Variants in HERC1 observed in about 807,000 individuals in gnomAD.
HERC1 encodes the protein probable E3 ubiquitin-protein ligase HERC1.
In HERC1, 160 loss-of-function variants were observed where a neutral mutation model predicts 554.3. The observed-to-expected ratio is 0.29, with a 90% CI of 0.25 to 0.33. The LOEUF is 0.33. Ranked by LOEUF, HERC1 falls within the 10% of genes least tolerant of loss-of-function variation. HERC1 has a pLI of 1.00. For synonymous variants in HERC1, 2,175 were observed against 2,131.7 expected, an observed-to-expected ratio of 1.02 and a Z score of -0.56; for missense variants, 4,919 against 5,918.5, an observed-to-expected ratio of 0.83 and a Z score of 5.54.
rs7163401 is a variant in HERC1, at chr15:63,732,592, T to A, written c.2868+332A>T. Reference sequence around the variant, plus strand: ...ACTGACCAACCTATTCTCATTCAGTTCCAAGTACATTGTTTCATTATAAGA... The same window carrying A: ...ACTGACCAACCTATTCTCATTCAGTACCAAGTACATTGTTTCATTATAAGA... On this transcript the variant is annotated intron_variant, in intron 14 of 77. Transcript: ENST00000443617. Among the ~76,000 whole-genome samples the A allele has an allele frequency of 0.81, 123,598 of 152,202 alleles. 52,045 individuals carry two copies. The highest frequency in any genetic ancestry group is 0.87 in the Middle Eastern group (255 of 292).
chr15:63,709,329 GT>G (rs963955783), intron 24 of HERC1, among the ~76,000 whole-genome samples: 3 of 151,174 alleles, frequency 2.0e-5, no homozygotes, highest in Admixed American at 1.3e-4. Flanking sequence ...TTAAAAATGG[GT>G]TTTTTTTTAG....
intron 1 of HERC1, among the ~76,000 whole-genome samples, chr15:63,804,448 T>A (rs1245263354): frequency 6.6e-6 from 1 of 151,894 alleles, no homozygotes; most frequent in Non-Finnish European, 1.5e-5. Flanking sequence ...TAGCCGGGCA[T>A]GGTGGCGGGC....
Position 63,692,504 on chromosome 15 carries a change from T to C in HERC1, c.5737A>G (p.Arg1913Gly). 1 of 1,613,516 alleles carries C rather than the reference T, an allele frequency of 6.2e-7. No homozygotes were observed. The highest frequency in any genetic ancestry group is 8.5e-7 in the Non-Finnish European group (1 of 1,179,754). Residue 1913 changes from arginine to glycine, a missense_variant, in exon 31 of 78, where the codon AGA (arginine) becomes GGA (glycine). This residue lies in a region of HERC1 where 1,121 missense variants were observed against 1,244.0 expected (regional missense o/e 0.90). Coordinates refer to ENST00000443617, the MANE Select transcript of HERC1 (RefSeq NM_003922.4). This position sits in a 1 kb window ranked among gnomAD's most constrained non-coding sequence, Gnocchi z 4.7. ...TGAATTGCTTTTGAAGATACAACTCTGCGAAGAAAAACTAAAAAATCCCCT... is the reference window on the plus strand; with the variant it reads ...TGAATTGCTTTTGAAGATACAACTCCGCGAAGAAAAACTAAAAAATCCCCT... ...HLGDFLVFLRRVVSSKAIQSK... is the reference protein window; with the variant it reads ...HLGDFLVFLRGVVSSKAIQSK...
Position 63,640,174 on chromosome 15 carries a change from T to C in HERC1, c.11879A>G (p.Glu3960Gly). 6.2e-7 allele frequency: 1 copy of C among 1,613,882 alleles called. No individual in the cohort carries two copies. The highest frequency in any genetic ancestry group is 8.5e-7 in the Non-Finnish European group (1 of 1,179,790). Residue 3960 changes from glutamate to glycine, a missense_variant, in exon 61 of 78, where the codon GAG becomes GGG. Physicochemically the swap from Glu to Gly is moderately conservative, Grantham distance 98. Transcript: ENST00000443617. Reference sequence around the variant, plus strand: ...TACCATTAGAAATACAAGTTCATCCTCTGGAACAGGTTCTAGATCTGGAAC... The same window carrying C: ...TACCATTAGAAATACAAGTTCATCCCCTGGAACAGGTTCTAGATCTGGAAC... ...FTVPDLEPVPEDELVFLMDNS... is the reference protein window; with the variant it reads ...FTVPDLEPVPGDELVFLMDNS...
chr15:63,807,109 A>G (rs922926518), intron 1 of HERC1, among the ~76,000 whole-genome samples: 4 of 152,180 alleles, frequency 2.6e-5, no homozygotes, highest in African/African-American at 9.7e-5. Context: ...CATTTTCATT[A>G]TAACACTACC....
chr15:63,649,131 G>C (rs971115754), intron 54 of HERC1, among the ~76,000 whole-genome samples: 1 of 152,142 alleles, frequency 6.6e-6, no homozygotes, highest in Non-Finnish European at 1.5e-5. Flanking sequence ...AAGGTGGGCG[G>C]ATCACAAGGT....
intron 34 of HERC1, among the ~76,000 whole-genome samples, chr15:63,681,262 CAT>C (rs1421412648): frequency 6.6e-6 from 1 of 152,096 alleles, no homozygotes; most frequent in African/African-American, 2.4e-5. Context: ...AGTACAGTAG[CAT>C]GATCATGGCT....
At chr15:63,724,451 T>C (rs996323711) in intron 18 of HERC1, among the ~76,000 whole-genome samples, 3 of 152,232 alleles carry the variant, frequency 2.0e-5, no homozygotes, top group South Asian at 2.1e-4. Flanking sequence ...ACTGCTTCCC[T>C]CACTCCCACT....
intron 44 of HERC1, among the ~76,000 whole-genome samples, chr15:63,662,738 A>G (rs558461638): frequency 6.6e-6 from 1 of 152,346 alleles, no homozygotes; most frequent in South Asian, 2.1e-4. Flanking sequence ...ATATTACCAC[A>G]GTATGACTCT....
intron 1 of HERC1, among the ~76,000 whole-genome samples, chr15:63,818,220 G>A (rs2077562859): frequency 6.6e-6 from 1 of 152,062 alleles, no homozygotes; most frequent in Admixed American, 6.6e-5. Context: ...AAAAATTGCA[G>A]ACAATATTGC....
chr15:63,760,747 A>G (rs1596180330), intron 3 of HERC1, among the ~76,000 whole-genome samples: 1 of 152,078 alleles, frequency 6.6e-6, no homozygotes, highest in East Asian at 1.9e-4. Context: ...ATAGAACCCA[A>G]TCAAGGGAAT....
At chr15:63,793,245 G>A (rs147270311) in intron 1 of HERC1, among the ~76,000 whole-genome samples, 195 of 152,346 alleles carry the variant, frequency 1.3e-3, no homozygotes, top group African/African-American at 4.4e-3. Context: ...GGATGAGACA[G>A]GAGGTCGGCA....
intron 24 of HERC1, among the ~76,000 whole-genome samples, chr15:63,712,088 T>C (rs2073326235): frequency 6.6e-6 from 1 of 152,216 alleles, no homozygotes; most frequent in African/African-American, 2.4e-5. Context: ...CAGTCCAGGT[T>C]CTGAGGCTTT....
chr15:63,804,811 A>G (rs950963553), intron 1 of HERC1, among the ~76,000 whole-genome samples: 1 of 152,200 alleles, frequency 6.6e-6, no homozygotes, highest in African/African-American at 2.4e-5. Flanking sequence ...AAGATACATA[A>G]ACAGCCAAAA....
Position 63,656,303 on chromosome 15 carries a change from G to A in HERC1, c.9655C>T (p.Arg3219Ter). The A allele has an allele frequency of 1.2e-6, 2 of 1,613,858 alleles. No individual in the cohort carries two copies. Among genetic ancestry groups the A allele is most frequent in the East Asian group, 2.2e-5 (1 of 44,876 alleles). Residue 3219 changes from arginine (R) to a stop codon, truncating the protein, a stop_gained, in exon 49 of 78, where the codon CGA becomes TGA. Transcript: ENST00000443617. LOFTEE classifies it high-confidence loss of function. Reference sequence around the variant, plus strand: ...AAGCACATTAATCGAACTAGCGTTCGGATATCTGTTAGCCCCAGAGACTCA... The same window carrying A: ...AAGCACATTAATCGAACTAGCGTTCAGATATCTGTTAGCCCCAGAGACTCA... ...GLESLGLTDI[R>*]TLVRLMCLAA... is the part of the protein sequence containing the mutation.
chr15:63,739,364 AT>A (rs1460913029), intron 12 of HERC1, among the ~76,000 whole-genome samples: 3 of 151,694 alleles, frequency 2.0e-5, no homozygotes, highest in Non-Finnish European at 4.4e-5. Flanking sequence ...CGCCAGGCTA[AT>A]TTTTGTATTT....
intron 1 of HERC1, among the ~76,000 whole-genome samples, chr15:63,782,338 A>T (rs1268111975): frequency 1.3e-5 from 2 of 152,300 alleles, no homozygotes; most frequent in Middle Eastern, 3.4e-3. Context: ...TACATTCTGA[A>T]AAACCTAGGG....
chr15:63,684,101 G>A (rs991807609), intron 34 of HERC1, among the ~76,000 whole-genome samples: 15 of 152,302 alleles, frequency 9.8e-5, no homozygotes, highest in South Asian at 2.1e-4. Flanking sequence ...AGGTATCCAC[G>A]AAAAGAGTGT....
chr15:63,624,003 G>A, intron 72 of HERC1, 113 bp from the exon 73 acceptor site: 1 of 1,308,682 alleles, frequency 7.6e-7, no homozygotes, highest in Non-Finnish European at 1.1e-6. Flanking sequence ...CAAGCACTGT[G>A]CTAGGCCCAC....
Sources: allele counts gnomAD v4.1 joint callset (sites outside exome capture counted in the v4.1 genomes callset), GRCh38; gene constraint gnomAD v4.1.1; regional missense constraint gnomAD v4.1.1; non-coding constraint Gnocchi (gnomAD v3.1); transcripts MANE v1.5; gene names NCBI Gene and HGNC (gene_info 2026-07-23, HGNC 2026-07-21).